The following C3orf18 variants were observed in gnomAD, a reference collection of about 807,000 sequenced individuals.
C3orf18 encodes chromosome 3 open reading frame 18, also known as uncharacterized protein C3orf18.
In C3orf18, 12 loss-of-function variants were observed where a neutral mutation model predicts 14.1. That is an observed-to-expected ratio of 0.85 (90% confidence interval 0.55 to 1.38). C3orf18 has a LOEUF of 1.38. Ranked by LOEUF, C3orf18 falls within the 40% of genes most tolerant of loss-of-function variation. The pLI, the probability that C3orf18 is intolerant of heterozygous loss-of-function variation, is 0.00. For missense variants in C3orf18, 196 were observed against 213.9 expected (o/e 0.92, Z 0.52); for synonymous variants, 82 against 87.9 (o/e 0.93, Z 0.38).
At chr3:50,560,299 T>C (rs2107259841) in intron 5 of C3orf18, among the ~76,000 whole-genome samples, 1 of 152,238 alleles carries the variant, frequency 6.6e-6, no homozygotes, top group Middle Eastern at 3.4e-3. Context: ...CTTGGGGATT[T>C]GGGGAAATGG....
chr3:50,565,439 C>T lies in C3orf18; in HGVS notation c.234+27G>A, dbSNP rs1385756483. On this transcript the variant is annotated intron_variant, in intron 3 of 5. Transcript: ENST00000357203. This position sits in a 1 kb window ranked among gnomAD's most constrained non-coding sequence, Gnocchi z 4.4. ...CTCTATAAATCTAAACACTGATTAT[C>T]CTCCCCCAGCCTACCCCAGCTCTCA... The T allele has an allele frequency of 6.6e-7, 1 of 1,517,924 alleles. No individual in the cohort carries two copies. Among genetic ancestry groups the T allele is most frequent in the Non-Finnish European group, 9.1e-7 (1 of 1,094,720 alleles). The allele number at this position is 1,517,924 out of a possible 1,614,324, so 94.0% of individuals were successfully genotyped here.
chr3:50,571,338 G>A (rs2107374345), upstream of C3orf18: 1 of 1,566,712 alleles, frequency 6.4e-7, no homozygotes, highest in Non-Finnish European at 8.7e-7. Context: ...AAACAGTTAA[G>A]TTTAGTGTTG....
chr3:50,558,209 C>G lies in C3orf18; in HGVS notation c.*1448G>C, dbSNP rs1699771081. On this transcript the variant is annotated 3_prime_UTR_variant, in exon 6 of 6. Transcript: ENST00000357203. ...CCATGGGGGCTTCCTAGGCCTTTCC[C>G]TCCTGACACATGGCATTTGCCCAGT... 6.4e-6 allele frequency: 1 copy of G among 156,242 alleles called. No homozygotes were observed. The highest frequency in any genetic ancestry group is 6.2e-5 in the Admixed American group (1 of 16,068). 9.7% of individuals were successfully genotyped at this position (156,242 alleles called of 1,614,324 possible).
chr3:50,573,043 CA>C (rs1024469025), upstream of C3orf18, among the ~76,000 whole-genome samples: 2 of 152,240 alleles, frequency 1.3e-5, no homozygotes, highest in Non-Finnish European at 2.9e-5. Context: ...CAGGGGGCCC[CA>C]AACCCTTCTT....
chr3:50,566,906 C>A (rs373076330), intron 1 of C3orf18, among the ~76,000 whole-genome samples: 1 of 152,110 alleles, frequency 6.6e-6, no homozygotes, highest in African/African-American at 2.4e-5. Context: ...GCAGATGGGA[C>A]GGCCTAGGGA....
chr3:50,571,941 C>T (rs932287422), upstream of C3orf18: 1 of 1,279,152 alleles, frequency 7.8e-7, no homozygotes, highest in Non-Finnish European at 1.1e-6. Flanking sequence ...AAGAGTGGGG[C>T]CGGGGTACTG....
At chr3:50,571,287 G>A (rs1700923997), upstream of C3orf18, 4 of 1,611,992 alleles carry the variant, frequency 2.5e-6, no homozygotes, top group African/African-American at 1.3e-5. Context: ...CTGAGGCCCG[G>A]GAATCCAGTG....
chr3:50,561,912 T>A (rs1389521391), intron 3 of C3orf18, 165 bp from the exon 4 acceptor site: 2 of 686,592 alleles, frequency 2.9e-6, no homozygotes. Flanking sequence ...CTCTTTTTTT[T>A]TTTTTGAGAC....
chr3:50,570,799 T>C (rs1700867888), upstream of C3orf18: 4 of 276,542 alleles, frequency 1.4e-5, no homozygotes, highest in Non-Finnish European at 2.0e-5. Flanking sequence ...AATGATCAAA[T>C]AGGTGGGTAA....
intron 3 of C3orf18, 67 bp from the exon 4 acceptor site, chr3:50,561,814 G>T (rs758255151): frequency 6.5e-7 from 1 of 1,546,096 alleles, no homozygotes; most frequent in South Asian, 1.1e-5. Flanking sequence ...CAGCCCTTCT[G>T]GATGGGGACA....
chr3:50,573,538 C>A (rs943180060), upstream of C3orf18, among the ~76,000 whole-genome samples: 16 of 152,280 alleles, frequency 1.1e-4, no homozygotes, highest in African/African-American at 3.9e-4. Context: ...CCATGTGGCC[C>A]CCTGATTCTT....
At chr3:50,561,689 T>C (rs1699977341) in intron 4 of C3orf18, 33 bp downstream of exon 4, 1 of 1,610,954 alleles carries the variant, frequency 6.2e-7, no homozygotes, top group African/African-American at 1.3e-5. Flanking sequence ...GCCTCAAGTT[T>C]TGGGTGGGAT....
Position 50,559,051 on chromosome 3 carries a change from T to G in C3orf18, c.*606A>C. The G allele has an allele frequency of 7.8e-7, 1 of 1,289,826 alleles. No homozygotes were observed. 79.9% of individuals were successfully genotyped at this position (1,289,826 alleles called of 1,614,324 possible). A position where few individuals can be genotyped will look rare whatever the true frequency, so the allele number is the denominator to read the frequency against. Reference sequence around the variant, plus strand: ...CATCTGGTTGCCAAGGATGGGTGGCTGGGAGACCTCCTGGACCCTCCGTAG... The same window carrying G: ...CATCTGGTTGCCAAGGATGGGTGGCGGGGAGACCTCCTGGACCCTCCGTAG... On this transcript the variant is annotated 3_prime_UTR_variant, in exon 6 of 6. Transcript: ENST00000357203.
At position 50,559,329 on chromosome 3, in the gene C3orf18, C is replaced by T; in HGVS notation, c.*328G>A. Reference sequence around the variant, plus strand: ...CTCCGTATCTCCCTCATTTCCTCCACATTAGCGGGGCAGACCCTGATGTGA... The same window carrying T: ...CTCCGTATCTCCCTCATTTCCTCCATATTAGCGGGGCAGACCCTGATGTGA... On this transcript the variant is annotated 3_prime_UTR_variant, in exon 6 of 6. Transcript: ENST00000357203. 1 of 1,270,556 alleles carries T rather than the reference C, an allele frequency of 7.9e-7. No homozygotes were observed. The highest frequency in any genetic ancestry group is 1.0e-6 in the Non-Finnish European group (1 of 994,096). 78.7% of individuals were successfully genotyped at this position (1,270,556 alleles called of 1,614,324 possible). A position where few individuals can be genotyped will look rare whatever the true frequency, so the allele number is the denominator to read the frequency against.
At chr3:50,572,044 A>G, upstream of C3orf18, 1 of 1,601,118 alleles carries the variant, frequency 6.2e-7, no homozygotes. Flanking sequence ...CACAAGTGGT[A>G]TCTCAACCCA....
Position 50,558,780 on chromosome 3 carries a change from AAGGCAGAGAAGAT to A in C3orf18, c.*864_*876del, listed in dbSNP as rs1373778086. ...TCTTCCCTGCAGTCCCTGAAGATTGAAGGCAGAGAAGATAGCCTACCCTGATGCTCCACTACAT... is the reference window on the plus strand; with the variant it reads ...TCTTCCCTGCAGTCCCTGAAGATTGAAGCCTACCCTGATGCTCCACTACAT... On this transcript the variant is annotated 3_prime_UTR_variant, in exon 6 of 6. Coordinates refer to ENST00000357203, the MANE Select transcript of C3orf18 (RefSeq NM_016210.5). 8.5e-6 allele frequency: 11 copies of A among 1,289,712 alleles called. No individual in the cohort carries two copies. The African/African-American group carries it at 1.5e-4, about 18-fold the overall frequency. The allele number at this position is 1,289,712 out of a possible 1,614,324, so 79.9% of individuals were successfully genotyped here. A position where few individuals can be genotyped will look rare whatever the true frequency, so the allele number is the denominator to read the frequency against.
At chr3:50,561,915 T>TC in intron 3 of C3orf18, 168 bp from the exon 4 acceptor site, 1 of 681,124 alleles carries the variant, frequency 1.5e-6, no homozygotes. Context: ...TTTTTTTTTT[T>TC]TTGAGACAGA....
chr3:50,571,151 G>A (rs948127167), upstream of C3orf18: 9 of 1,612,818 alleles, frequency 5.6e-6, no homozygotes, highest in African/African-American at 1.1e-4. Flanking sequence ...TCTGGCCCAG[G>A]GAGGAGGGGA....
chr3:50,568,741 A>G (rs975637394), upstream of C3orf18, among the ~76,000 whole-genome samples: 23 of 151,582 alleles, frequency 1.5e-4, no homozygotes, highest in Admixed American at 5.9e-4. Flanking sequence ...AAAAAAAAAA[A>G]AAAAAGAAAA....
Sources: gnomAD v4.1 joint callset for allele counts (sites outside exome capture counted in the v4.1 genomes callset) on GRCh38, gnomAD v4.1.1 for gene constraint, Gnocchi (gnomAD v3.1) non-coding constraint, MANE v1.5 for transcripts, NCBI Gene and HGNC (gene_info 2026-07-23, HGNC 2026-07-21) for gene names.